The following DLGAP2 variants were observed in gnomAD, a reference collection of about 807,000 sequenced individuals.
DLGAP2 encodes the protein DLG associated protein 2.
A neutral mutation model predicts 100.3 loss-of-function variants in DLGAP2; 26 were observed. The observed-to-expected ratio is 0.26, with a 90% CI of 0.19 to 0.36. The LOEUF (loss-of-function observed/expected upper bound fraction) is 0.36, where lower values mean the gene tolerates loss of function less well. Among genes scored for constraint, DLGAP2 ranks in the 10% least tolerant of loss-of-function variants. DLGAP2 has a pLI of 1.00. For missense variants in DLGAP2, 1,858 were observed against 1,453.2 expected (o/e 1.28, Z -4.53); for synonymous variants, 886 against 630.1 (o/e 1.41, Z -6.08).
At chr8:878,220 A>G (rs962897875) in intron 1 of DLGAP2, among the ~76,000 whole-genome samples, 6 of 152,162 alleles carry the variant, frequency 3.9e-5, no homozygotes, top group East Asian at 3.9e-4. Context: ...AGTTGAATTT[A>G]TAGACAGAGA....
chr8:1,359,337 A>AAC, intron 3 of DLGAP2, among the ~76,000 whole-genome samples: 1 of 152,352 alleles, frequency 6.6e-6, no homozygotes, highest in Admixed American at 6.5e-5. Flanking sequence ...AAGAGAGGCC[A>AAC]GGCACTCCGG....
At chr8:1,183,210 C>A (rs78874219) in intron 2 of DLGAP2, among the ~76,000 whole-genome samples, 10 of 151,868 alleles carry the variant, frequency 6.6e-5, no homozygotes, top group African/African-American at 2.4e-4. Context: ...CGTCTCGGAG[C>A]GGGGTCCTGG....
At chr8:1,688,903 G>A (rs1799181355) in intron 12 of DLGAP2, among the ~76,000 whole-genome samples, 3 of 152,284 alleles carry the variant, frequency 2.0e-5, no homozygotes, top group Admixed American at 6.5e-5. Context: ...ATTTTCAACT[G>A]GCTCATAGCA....
intron 3 of DLGAP2, among the ~76,000 whole-genome samples, chr8:1,455,469 G>A (rs939480763): frequency 2.0e-5 from 3 of 152,226 alleles, no homozygotes; most frequent in African/African-American, 7.2e-5. Flanking sequence ...CAACATTCGG[G>A]CCTGAGCCTA....
At chr8:1,282,809 A>G (rs1214271919) in intron 3 of DLGAP2, among the ~76,000 whole-genome samples, 10 of 86,492 alleles carry the variant, frequency 1.2e-4, no homozygotes, top group Admixed American at 2.4e-4. Flanking sequence ...CACGTGAACC[A>G]TCTGGACATG....
At chr8:1,094,490 C>A (rs1309896856) in intron 2 of DLGAP2, among the ~76,000 whole-genome samples, 1 of 152,184 alleles carries the variant, frequency 6.6e-6, no homozygotes, top group African/African-American at 2.4e-5. Context: ...AAAAAACCGG[C>A]TTCAAGTGCT....
chr8:1,209,001 A>G (rs955039063), intron 2 of DLGAP2, among the ~76,000 whole-genome samples: 3 of 152,180 alleles, frequency 2.0e-5, no homozygotes, highest in African/African-American at 7.2e-5. Context: ...GAAATCATAG[A>G]TGACACAAAC....
At chr8:1,652,390 C>T (rs1215750303) in intron 8 of DLGAP2, among the ~76,000 whole-genome samples, 4 of 152,170 alleles carry the variant, frequency 2.6e-5, no homozygotes, top group Non-Finnish European at 5.9e-5. Context: ...GTGCCTAGAA[C>T]AGTGCTTGGC....
At chr8:1,443,474 A>C (rs1347534023) in intron 3 of DLGAP2, among the ~76,000 whole-genome samples, 1 of 152,188 alleles carries the variant, frequency 6.6e-6, no homozygotes, top group Admixed American at 6.5e-5. Context: ...CACATCCCTC[A>C]GTCTTCTCCT....
chr8:860,965 T>C (rs1231251904), intron 1 of DLGAP2, among the ~76,000 whole-genome samples: 1 of 152,122 alleles, frequency 6.6e-6, no homozygotes, highest in Non-Finnish European at 1.5e-5. Context: ...GCCGTGCCTG[T>C]CCCCTGCTGG....
chr8:1,255,825 C>G (rs1482228078), intron 2 of DLGAP2, among the ~76,000 whole-genome samples: 1 of 97,662 alleles, frequency 1.0e-5, no homozygotes, highest in Non-Finnish European at 1.9e-5. Flanking sequence ...TTCTCCTGCC[C>G]AGGTGCTGTG....
At chr8:975,281 G>A (rs1185401736) in intron 2 of DLGAP2, among the ~76,000 whole-genome samples, 3 of 152,192 alleles carry the variant, frequency 2.0e-5, no homozygotes, top group Admixed American at 1.3e-4. Flanking sequence ...CACCAAGCCC[G>A]CATGGGTTCA....
chr8:977,600 C>T (rs974373897), intron 2 of DLGAP2, among the ~76,000 whole-genome samples: 1 of 152,198 alleles, frequency 6.6e-6, no homozygotes. Flanking sequence ...TTAACAGGAT[C>T]CATATTTTAA....
intron 8 of DLGAP2, among the ~76,000 whole-genome samples, chr8:1,639,444 G>A (rs1797845004): frequency 6.6e-6 from 1 of 152,200 alleles, no homozygotes; most frequent in African/African-American, 2.4e-5. Context: ...CCTCTATGCG[G>A]AGCAGCAGGG....
intron 6 of DLGAP2, among the ~76,000 whole-genome samples, chr8:1,590,073 C>G (rs1314330673): frequency 6.6e-6 from 1 of 152,194 alleles, no homozygotes; most frequent in Non-Finnish European, 1.5e-5. Flanking sequence ...GTGTCCGTGG[C>G]TGTGGGTGCA....
chr8:1,193,481 G>A (rs1399368194), intron 2 of DLGAP2, among the ~76,000 whole-genome samples: 3 of 152,202 alleles, frequency 2.0e-5, no homozygotes, highest in South Asian at 2.1e-4. Flanking sequence ...CTTTTGAGAA[G>A]TGTCTGGTTT....
chr8:1,099,963 G>A (rs961560403), intron 2 of DLGAP2, among the ~76,000 whole-genome samples: 4 of 152,174 alleles, frequency 2.6e-5, no homozygotes, highest in East Asian at 1.9e-4. Flanking sequence ...TCAGTTACCC[G>A]AAGTCAACTG....
chr8:1,474,296 G>A (rs1006759227), intron 3 of DLGAP2, among the ~76,000 whole-genome samples: 1 of 152,098 alleles, frequency 6.6e-6, no homozygotes, highest in Non-Finnish European at 1.5e-5. Flanking sequence ...TGGGCATTTG[G>A]GCTGGTTCCG....
chr8:1,531,958 A>G (rs919930543), intron 4 of DLGAP2, among the ~76,000 whole-genome samples: 2 of 152,200 alleles, frequency 1.3e-5, no homozygotes, highest in African/African-American at 4.8e-5. Flanking sequence ...GCTTGGTTTT[A>G]CACATTTTAG....
Sources: allele counts gnomAD v4.1 joint callset (sites outside exome capture counted in the v4.1 genomes callset), GRCh38; gene constraint gnomAD v4.1.1; transcripts MANE v1.5; gene names NCBI Gene and HGNC (gene_info 2026-07-23, HGNC 2026-07-21).